The following ARHGAP42 variants were observed in gnomAD, a reference collection of about 807,000 sequenced individuals.
The protein encoded by ARHGAP42 is rho GTPase-activating protein 42.
A neutral mutation model predicts 125.0 loss-of-function variants in ARHGAP42; 63 were observed. The ratio of observed to expected loss-of-function variants is 0.50; its 90% CI spans 0.41 to 0.62. ARHGAP42 has a LOEUF of 0.62. ARHGAP42 is among the 20% of genes least tolerant of loss of function. ARHGAP42 has a pLI of 0.00. For synonymous variants in ARHGAP42, 339 were observed against 351.0 expected (o/e 0.97, Z 0.38); for missense variants, 766 against 1,024.2 (o/e 0.75, Z 3.44).
At chr11:100,863,053 ACACAAAACACAC>A (rs1262649031) in intron 4 of ARHGAP42, among the ~76,000 whole-genome samples, 2 of 64,928 alleles carry the variant, frequency 3.1e-5, no homozygotes, top group Non-Finnish European at 6.0e-5. Context: ...AAAAAAAAAA[ACACAAAACACAC>A]ACACACACAC....
At chr11:100,813,499 A>C (rs939746360) in intron 3 of ARHGAP42, among the ~76,000 whole-genome samples, 7 of 152,246 alleles carry the variant, frequency 4.6e-5, no homozygotes, top group African/African-American at 1.2e-4. Flanking sequence ...AGTGGAAACC[A>C]GGGGAGAGAT....
At chr11:100,762,987 TTTTTTTTTTG>T (rs1862743447) in intron 1 of ARHGAP42, among the ~76,000 whole-genome samples, 1 of 146,434 alleles carries the variant, frequency 6.8e-6, no homozygotes. Flanking sequence ...TTTTTTTTTT[TTTTTTTTTTG>T]AGATGGAGTT....
intron 4 of ARHGAP42, among the ~76,000 whole-genome samples, chr11:100,912,372 T>C (rs1258657875): frequency 6.6e-6 from 1 of 152,180 alleles, no homozygotes; most frequent in Non-Finnish European, 1.5e-5. Context: ...CAAAGCATTA[T>C]GTGTTATAAA....
intron 12 of ARHGAP42, among the ~76,000 whole-genome samples, chr11:100,955,215 C>T (rs1857771944): frequency 7.6e-6 from 1 of 132,098 alleles, no homozygotes; most frequent in African/African-American, 2.9e-5. Flanking sequence ...AAGCTTTATC[C>T]CTGAACAGTT....
chr11:100,696,850 C>G (rs947055090), intron 1 of ARHGAP42, among the ~76,000 whole-genome samples: 5 of 152,032 alleles, frequency 3.3e-5, no homozygotes, highest in African/African-American at 1.2e-4. Flanking sequence ...CTCAAAAAGT[C>G]TTAATTTTTA....
intron 3 of ARHGAP42, among the ~76,000 whole-genome samples, chr11:100,806,853 ATTT>A: frequency 6.6e-6 from 1 of 150,774 alleles, no homozygotes; most frequent in South Asian, 2.1e-4. Flanking sequence ...TTATTTATTT[ATTT>A]ATTTATTTTT....
chr11:100,931,284 C>A (rs1210449082), intron 6 of ARHGAP42, among the ~76,000 whole-genome samples: 3 of 152,098 alleles, frequency 2.0e-5, no homozygotes, highest in Non-Finnish European at 4.4e-5. Flanking sequence ...GAGCATCAAG[C>A]CATGGCATAG....
chr11:100,889,264 T>C (rs866872888), intron 4 of ARHGAP42, among the ~76,000 whole-genome samples: 1 of 152,174 alleles, frequency 6.6e-6, no homozygotes. Flanking sequence ...AATGCAGTAA[T>C]GTTGACAGGT....
chr11:100,692,284 C>G (rs1245000925), intron 1 of ARHGAP42, among the ~76,000 whole-genome samples: 1 of 152,150 alleles, frequency 6.6e-6, no homozygotes, highest in African/African-American at 2.4e-5. Flanking sequence ...ATTAAATATA[C>G]ACAAGCATGG....
rs183564037 is a variant in ARHGAP42, at chr11:100,767,532, G to A, written c.155-2811G>A. Among the ~76,000 whole-genome samples the A allele has an allele frequency of 3.1e-4, 47 of 152,256 alleles. No homozygotes were observed. The Middle Eastern group carries it at 0.01, about 33-fold the overall frequency. ...ATTACCTTTTTCAGTCAGGGTACGA[G>A]GCCATAGGAAGTCAAGAACGGTCTG... On this transcript the variant is annotated intron_variant, in intron 1 of 23. Coordinates refer to ENST00000298815, the MANE Select transcript of ARHGAP42 (RefSeq NM_152432.4).
chr11:100,923,384 G>A (rs1867333632), intron 6 of ARHGAP42, among the ~76,000 whole-genome samples: 1 of 152,060 alleles, frequency 6.6e-6, no homozygotes, highest in Admixed American at 6.6e-5. Flanking sequence ...CTGTGCTGTT[G>A]TTTCTTCTCA....
intron 1 of ARHGAP42, among the ~76,000 whole-genome samples, chr11:100,741,216 A>G (rs1442991885): frequency 6.6e-6 from 1 of 152,102 alleles, no homozygotes; most frequent in Non-Finnish European, 1.5e-5. Context: ...TTTTTAGTAC[A>G]GACGGGGTTT....
intron 4 of ARHGAP42, among the ~76,000 whole-genome samples, chr11:100,911,250 T>A (rs1026468460): frequency 6.6e-6 from 1 of 152,156 alleles, no homozygotes; most frequent in Non-Finnish European, 1.5e-5. Context: ...GGGTCTGTGG[T>A]GGCCACTATT....
chr11:100,758,020 G>C (rs1210613677), intron 1 of ARHGAP42, among the ~76,000 whole-genome samples: 1 of 152,108 alleles, frequency 6.6e-6, no homozygotes, highest in African/African-American at 2.4e-5. Context: ...TAACCATACT[G>C]TTCATGTATA....
chr11:100,870,483 C>A (rs1325609531), intron 4 of ARHGAP42, among the ~76,000 whole-genome samples: 1 of 152,192 alleles, frequency 6.6e-6, no homozygotes, highest in Non-Finnish European at 1.5e-5. Flanking sequence ...TTTCATGATA[C>A]CTAGTTTGGC....
At chr11:100,913,585 G>A (rs1471021016) in intron 5 of ARHGAP42, 32 bp downstream of exon 5, 2 of 1,165,088 alleles carry the variant, frequency 1.7e-6, no homozygotes, top group Admixed American at 3.1e-5. Context: ...AATGGAAAAG[G>A]CATTAAGTCA....
Position 100,726,785 on chromosome 11 carries a change from G to A in ARHGAP42, c.154+38953G>A, listed in dbSNP as rs190517666. On this transcript the variant is annotated intron_variant, in intron 1 of 23. Coordinates refer to ENST00000298815, the MANE Select transcript of ARHGAP42 (RefSeq NM_152432.4). Reference sequence around the variant, plus strand: ...GCCATCTGAGTTGTGGAGGTGATTGGAATTACTTTCTCTTAAGTGGCTGCA... The same window carrying A: ...GCCATCTGAGTTGTGGAGGTGATTGAAATTACTTTCTCTTAAGTGGCTGCA... Among the ~76,000 whole-genome samples, 531 of 152,242 alleles carry A rather than the reference G, an allele frequency of 3.5e-3. 2 individuals carry two copies. Among genetic ancestry groups the A allele is most frequent in the African/African-American group, 0.012 (503 of 41,542 alleles).
At position 100,889,416 on chromosome 11, in the gene ARHGAP42, G is replaced by A. The variant is rs141054385; in HGVS notation, c.385-24036G>A. ...TCATATGAGGACACAGAGGAGGAGTGAGGAGGCAGCATCAAGGTGCCACCT... is the reference window on the plus strand; with the variant it reads ...TCATATGAGGACACAGAGGAGGAGTAAGGAGGCAGCATCAAGGTGCCACCT... On this transcript the variant is annotated intron_variant, in intron 4 of 23. Coordinates refer to ENST00000298815, the MANE Select transcript of ARHGAP42 (RefSeq NM_152432.4). Among the ~76,000 whole-genome samples the A allele has an allele frequency of 6.6e-5, 10 of 152,266 alleles. No homozygotes were observed. The East Asian group carries it at 1.9e-3, about 29-fold the overall frequency.
intron 4 of ARHGAP42, among the ~76,000 whole-genome samples, chr11:100,905,396 T>C (rs1311741786): frequency 6.6e-6 from 1 of 152,200 alleles, no homozygotes; most frequent in Non-Finnish European, 1.5e-5. Flanking sequence ...AATAATTAAC[T>C]TCCACCTATG....
Sources: gnomAD v4.1 joint callset for allele counts (sites outside exome capture counted in the v4.1 genomes callset) on GRCh38, gnomAD v4.1.1 for gene constraint, MANE v1.5 for transcripts, NCBI Gene and HGNC (gene_info 2026-07-23, HGNC 2026-07-21) for gene names.